The following RTTN variants were observed in gnomAD, a reference collection of about 807,000 sequenced individuals.
The protein encoded by RTTN is rotatin.
A neutral mutation model predicts 269.2 loss-of-function variants in RTTN; 182 were observed. That is an observed-to-expected ratio of 0.68 (90% confidence interval 0.60 to 0.76). The LOEUF is 0.76. RTTN is among the 30% of genes least tolerant of loss of function. The pLI is 0.00. For synonymous variants in RTTN, 1,006 were observed against 963.5 expected (o/e 1.04, Z -0.82); for missense variants, 2,545 against 2,608.6 (o/e 0.98, Z 0.53).
intron 28 of RTTN, among the ~76,000 whole-genome samples, chr18:70,105,581 T>C (rs1163865231): frequency 6.6e-6 from 1 of 152,206 alleles, no homozygotes; most frequent in Non-Finnish European, 1.5e-5. Flanking sequence ...TCGCTCATGC[T>C]GGGAGCTGTA....
At chr18:70,073,270 C>T (rs1443730749) in intron 34 of RTTN, among the ~76,000 whole-genome samples, 3 of 151,960 alleles carry the variant, frequency 2.0e-5, no homozygotes, top group Admixed American at 6.6e-5. Context: ...GTGTTTCAAA[C>T]TTTTCTGCAA....
At chr18:70,085,986 T>C (rs2058690225) in intron 32 of RTTN, among the ~76,000 whole-genome samples, 1 of 152,136 alleles carries the variant, frequency 6.6e-6, no homozygotes, top group Non-Finnish European at 1.5e-5. Flanking sequence ...ATTTTTTTAA[T>C]GTAAGCTATA....
At chr18:70,012,657 TG>T (rs1156345126) in intron 46 of RTTN, among the ~76,000 whole-genome samples, 1 of 151,816 alleles carries the variant, frequency 6.6e-6, no homozygotes, top group Non-Finnish European at 1.5e-5. Flanking sequence ...GTCTGCTCAC[TG>T]GTACTGGTTA....
rs376578513 is a variant in RTTN at position 70,030,913 on chromosome 18, C to T, written c.5610G>A (p.Leu1870=). Residue 1870 remains leucine, a synonymous_variant, in exon 41 of 49, where the codon CTG becomes CTA. Coordinates refer to ENST00000640769, the MANE Select transcript of RTTN (RefSeq NM_173630.4). The stretch of plus-strand genomic sequence containing the variant: ...GTTTCTGTGCTCTTCTACTGACAGC[C>T]AGCAGTGACATCAATGCATTTGCAG... ...RVAANALMSL[L]AVSRRAQKHA... The T allele has an allele frequency of 1.1e-4, 179 of 1,613,580 alleles. No individual in the cohort carries two copies. Among genetic ancestry groups the T allele is most frequent in the Non-Finnish European group, 1.4e-4 (170 of 1,179,872 alleles).
At chr18:70,092,404 A>G (rs2058874526) in intron 29 of RTTN, among the ~76,000 whole-genome samples, 184 bp from the exon 30 acceptor site, 1 of 152,368 alleles carries the variant, frequency 6.6e-6, no homozygotes, top group East Asian at 1.9e-4. Flanking sequence ...AGTTAAACAT[A>G]ACAATTTTTT....
rs536348897 is a variant in RTTN, at chr18:70,018,275, C to A, written c.6154-601G>T. ...GCTCTATTATTTGAACTGTAAGAGT[C>A]TTTTCAACCTCCAAATAAAGCCCCT... On this transcript the variant is annotated intron_variant, in intron 45 of 48. Coordinates refer to ENST00000640769, the MANE Select transcript of RTTN (RefSeq NM_173630.4). 3.3e-5 allele frequency among the ~76,000 whole-genome samples: 5 copies of A among 152,244 alleles called. No homozygotes were observed. The South Asian group carries it at 1.0e-3, about 32-fold the overall frequency.
chr18:70,168,856 T>G lies in RTTN; in HGVS notation c.1688A>C (p.Glu563Ala). 6.3e-7 allele frequency: 1 copy of G among 1,599,646 alleles called. No individual in the cohort carries two copies. The highest frequency in any genetic ancestry group is 8.5e-7 in the Non-Finnish European group (1 of 1,174,646). The change falls in exon 12 of 49, where the codon GAG (glutamate) becomes GCG (alanine). Residue 563 changes from glutamate (E) to alanine (A), a missense_variant and splice_region_variant. Physicochemically the swap from Glu to Ala is moderately radical, Grantham distance 107. Transcript: ENST00000640769. ...AGAGATATTAAAAAAGCTTTTTACC[T>G]CTTTCCCAATATCAGACAGGAAGTT... ...TCNFLSDIGKEGEKNLLELVE... is the reference protein window; with the variant it reads ...TCNFLSDIGKAGEKNLLELVE...
intron 46 of RTTN, among the ~76,000 whole-genome samples, chr18:70,013,899 T>C (rs756372239): frequency 6.6e-6 from 1 of 152,208 alleles, no homozygotes; most frequent in African/African-American, 2.4e-5. Flanking sequence ...ATCTGCTGTG[T>C]CACTTACCTT....
intron 10 of RTTN, among the ~76,000 whole-genome samples, chr18:70,181,737 T>C (rs112894419): frequency 8.2e-4 from 125 of 152,328 alleles, no homozygotes; most frequent in African/African-American, 2.6e-3. Flanking sequence ...CTGGCAAAAG[T>C]ATGAACATTA....
In RTTN at chr18:70,066,459, C is replaced by T. The variant is rs117893019; in HGVS notation, c.4654-537G>A. 6.1e-3 allele frequency among the ~76,000 whole-genome samples: 924 copies of T among 152,174 alleles called. 3 individuals carry two copies. The highest frequency in any genetic ancestry group is 0.011 in the Non-Finnish European group (735 of 67,988). Reference sequence around the variant, plus strand: ...ATACAACATTAAATATAACAAAATCCGTGGAAAGCAAGTACAATTTCACCT... The same window carrying T: ...ATACAACATTAAATATAACAAAATCTGTGGAAAGCAAGTACAATTTCACCT... On this transcript the variant is annotated intron_variant, in intron 34 of 48. Coordinates refer to ENST00000640769, the MANE Select transcript of RTTN (RefSeq NM_173630.4).
At chr18:70,078,819 A>G (rs985110370) in intron 32 of RTTN, among the ~76,000 whole-genome samples, 20 of 152,210 alleles carry the variant, frequency 1.3e-4, no homozygotes, top group African/African-American at 4.3e-4. Flanking sequence ...TAAAACTATT[A>G]AAGATGGGTA....
In RTTN at chr18:70,075,426, C is replaced by A. The variant is rs2058402245; in HGVS notation, c.4490G>T (p.Cys1497Phe). 3 of 1,606,918 alleles carry A rather than the reference C, an allele frequency of 1.9e-6. No individual in the cohort carries two copies. The change falls in exon 33 of 49, where the codon TGT becomes TTT. Residue 1497 changes from cysteine to phenylalanine, a missense_variant. Physicochemically the swap from Cys to Phe is radical, Grantham distance 205. Coordinates refer to ENST00000640769, the MANE Select transcript of RTTN (RefSeq NM_173630.4). Reference sequence around the variant, plus strand: ...ATCAAACATACACCGTCCTAGGTAACAATGCTTTACCATCTGATTCAAATG... The same window carrying A: ...ATCAAACATACACCGTCCTAGGTAAAAATGCTTTACCATCTGATTCAAATG... Reference protein sequence around the residue: ...YEHLNQMVKHCYLGRCMFDLN... With the variant: ...YEHLNQMVKHFYLGRCMFDLN...
chr18:70,005,359 A>G (rs1001378516), intron 47 of RTTN, 92 bp from the exon 48 acceptor site: 6 of 759,942 alleles, frequency 7.9e-6, no homozygotes, highest in Admixed American at 7.3e-5. Context: ...ACAGTATTAA[A>G]CAGAATATTA....
At chr18:70,066,547 G>A (rs17806144) in intron 34 of RTTN, among the ~76,000 whole-genome samples, 4,177 of 152,218 alleles carry the variant, frequency 0.027, 86 homozygotes, top group Middle Eastern at 0.041. Context: ...ATGTGTTTGC[G>A]CTAAGAGGTG....
chr18:70,058,022 C>A (rs1006004046), intron 36 of RTTN, among the ~76,000 whole-genome samples, 190 bp from the exon 37 acceptor site: 1 of 152,082 alleles, frequency 6.6e-6, no homozygotes, highest in Non-Finnish European at 1.5e-5. Context: ...TACCTTCAAA[C>A]AGGAAAATAT....
intron 32 of RTTN, among the ~76,000 whole-genome samples, chr18:70,082,340 T>C (rs1384486235): frequency 6.6e-6 from 1 of 152,186 alleles, no homozygotes; most frequent in Non-Finnish European, 1.5e-5. Context: ...CTGTAGGCCA[T>C]AAGCCCAAGA....
chr18:70,199,542 TAA>T, intron 4 of RTTN, 38 bp from the exon 5 acceptor site: 1 of 1,343,596 alleles, frequency 7.4e-7, no homozygotes, highest in Non-Finnish European at 1.1e-6. Flanking sequence ...TATCAAAGAA[TAA>T]AGAGATGACA....
Position 70,065,879 on chromosome 18 carries a change from T to C in RTTN, c.4697A>G (p.Gln1566Arg), listed in dbSNP as rs777665153. Reference sequence around the variant, plus strand: ...GGCTTCAGGTAGAAGTGTTGTTGACTGCACAAGTGGCTGAAATTCAGTACT... The same window carrying C: ...GGCTTCAGGTAGAAGTGTTGTTGACCGCACAAGTGGCTGAAATTCAGTACT... ...LGSTEFQPLV[Q>R]STTLLPEASH... The change falls in exon 35 of 49, where the codon CAG becomes CGG. Residue 1566 changes from glutamine (Q) to arginine (R), a missense_variant. Gln to Arg is a conservative substitution (Grantham distance 43). Transcript: ENST00000640769. 2 of 1,602,524 alleles carry C rather than the reference T, an allele frequency of 1.2e-6. No individual in the cohort carries two copies. Among genetic ancestry groups the C allele is most frequent in the South Asian group, 2.2e-5 (2 of 89,176 alleles).
intron 28 of RTTN, among the ~76,000 whole-genome samples, chr18:70,104,853 T>C (rs1428543972): frequency 1.3e-5 from 1 of 76,928 alleles, no homozygotes; most frequent in Non-Finnish European, 3.4e-5. Context: ...ATCCTTCCTC[T>C]GGAAGCTTCG....
Sources: allele counts gnomAD v4.1 joint callset (sites outside exome capture counted in the v4.1 genomes callset), GRCh38; gene constraint gnomAD v4.1.1; transcripts MANE v1.5; gene names NCBI Gene and HGNC (gene_info 2026-07-23, HGNC 2026-07-21).